Variants in CDH10 observed in about 807,000 individuals in gnomAD.
CDH10 encodes the protein cadherin 10.
A neutral mutation model predicts 73.1 loss-of-function variants in CDH10; 30 were observed. The observed-to-expected ratio is 0.41, with a 90% CI of 0.31 to 0.56. The LOEUF (loss-of-function observed/expected upper bound fraction) is 0.56. Ranked by LOEUF, CDH10 falls within the 20% of genes least tolerant of loss-of-function variation. CDH10 has a pLI of 0.27. For missense variants in CDH10, 815 were observed against 973.7 expected, an observed-to-expected ratio of 0.84 and a Z score of 2.17; for synonymous variants, 345 against 348.2, an observed-to-expected ratio of 0.99 and a Z score of 0.10.
intron 2 of CDH10, among the ~76,000 whole-genome samples, chr5:24,548,500 T>TC (rs1744426394): frequency 7.2e-6 from 1 of 138,536 alleles, no homozygotes; most frequent in African/African-American, 2.6e-5. Context: ...TTTTTTTTTT[T>TC]GGAAACCTCA....
At chr5:24,637,514 C>G (rs1172261544) in intron 1 of CDH10, among the ~76,000 whole-genome samples, 1 of 151,778 alleles carries the variant, frequency 6.6e-6, no homozygotes, top group Admixed American at 6.6e-5. Flanking sequence ...AGATTAGAAC[C>G]TGCCTCTTCT....
intron 5 of CDH10, among the ~76,000 whole-genome samples, chr5:24,512,065 T>C (rs1431108953): frequency 1.3e-5 from 2 of 152,142 alleles, no homozygotes; most frequent in East Asian, 1.9e-4. Flanking sequence ...CTATGAAATA[T>C]ATATCTGTAC....
At chr5:24,592,106 A>C (rs1746219485) in intron 2 of CDH10, among the ~76,000 whole-genome samples, 1 of 151,856 alleles carries the variant, frequency 6.6e-6, no homozygotes, top group Non-Finnish European at 1.5e-5. Flanking sequence ...CTTTCTAGTC[A>C]ACATGATATT....
Position 24,507,441 on chromosome 5 carries a change from C to T in CDH10, c.1256+2125G>A, listed in dbSNP as rs17457662. 6.4e-3 allele frequency among the ~76,000 whole-genome samples: 974 copies of T among 151,124 alleles called. 6 individuals are homozygous for T. The highest frequency in any genetic ancestry group is 7.9e-3 in the Non-Finnish European group (538 of 67,756). ...ATATACACAAGATGATTCTTTCCTC[C>T]TAGTCTTTAGACTTGCATCCTCATT... On this transcript the variant is annotated intron_variant, in intron 7 of 11. Coordinates refer to ENST00000264463, the MANE Select transcript of CDH10 (RefSeq NM_006727.5).
At chr5:24,606,792 T>C (rs146809239) in intron 1 of CDH10, among the ~76,000 whole-genome samples, 6 of 152,306 alleles carry the variant, frequency 3.9e-5, no homozygotes, top group African/African-American at 1.4e-4. Context: ...CAAAACTTAC[T>C]ACATATCCAT....
intron 2 of CDH10, among the ~76,000 whole-genome samples, chr5:24,585,827 G>A (rs1745975226): frequency 6.6e-6 from 1 of 152,138 alleles, no homozygotes; most frequent in Non-Finnish European, 1.5e-5. Context: ...CCCTTCAGAA[G>A]CTCAGTTATC....
intron 1 of CDH10, among the ~76,000 whole-genome samples, chr5:24,641,659 T>A (rs958902504): frequency 5.3e-5 from 8 of 152,088 alleles, no homozygotes; most frequent in African/African-American, 1.9e-4. Context: ...ACTTAAAATA[T>A]CATAATATGA....
rs140606475 is a variant in CDH10 at position 24,528,014 on chromosome 5, A to G, written c.814+7098T>C. ...TATTTCTTAGCACAGTTCTTGGCAC[A>G]TAGTAGGGCTTCGGTCAATGTTTAA... On this transcript the variant is annotated intron_variant, in intron 5 of 11. Transcript: ENST00000264463. Among the ~76,000 whole-genome samples the G allele has an allele frequency of 9.2e-5, 14 of 152,028 alleles. 1 individual carries two copies. The highest frequency in any genetic ancestry group is 3.4e-4 in the African/African-American group (14 of 41,546).
At chr5:24,570,839 T>G (rs1233247964) in intron 2 of CDH10, among the ~76,000 whole-genome samples, 1 of 151,962 alleles carries the variant, frequency 6.6e-6, no homozygotes, top group African/African-American at 2.4e-5. Context: ...AAGCTCGTTT[T>G]GAGAATGATT....
chr5:24,609,852 T>G (rs988664531), intron 1 of CDH10: 1 of 152,264 alleles, frequency 6.6e-6, no homozygotes, highest in African/African-American at 2.4e-5. Flanking sequence ...GCATCGATGA[T>G]CAGGCACCCG....
At chr5:24,515,534 T>C (rs1743076732) in intron 5 of CDH10, among the ~76,000 whole-genome samples, 1 of 152,220 alleles carries the variant, frequency 6.6e-6, no homozygotes, top group African/African-American at 2.4e-5. Context: ...TTACAATCAC[T>C]TATGTAAAGT....
In CDH10 at chr5:24,551,625, C is replaced by T. The variant is rs368861097; in HGVS notation, c.232-13951G>A. Among the ~76,000 whole-genome samples the T allele has an allele frequency of 6.6e-5, 10 of 152,166 alleles. No individual in the cohort carries two copies. The South Asian group carries it at 8.3e-4, about 13-fold the overall frequency. On this transcript the variant is annotated intron_variant, in intron 2 of 11. Transcript: ENST00000264463. ...TTTGAAATTTCATTCACTTTCACCA[C>T]GGAGATTTGCGTTTGTGTGAACATG...
chr5:24,498,591 T>C (rs1579720501), intron 8 of CDH10, 72 bp from the exon 9 acceptor site: 1 of 1,016,800 alleles, frequency 9.8e-7, no homozygotes, highest in Middle Eastern at 2.1e-4. Context: ...TATAGGCATC[T>C]TGTGGGTATG....
At chr5:24,558,488 A>G (rs1561162163) in intron 2 of CDH10, among the ~76,000 whole-genome samples, 1 of 151,762 alleles carries the variant, frequency 6.6e-6, no homozygotes, top group Non-Finnish European at 1.5e-5. Context: ...TATATTTAAA[A>G]TACATTTATT....
chr5:24,550,925 C>A (rs1357915694), intron 2 of CDH10, among the ~76,000 whole-genome samples: 1 of 152,074 alleles, frequency 6.6e-6, no homozygotes, highest in Non-Finnish European at 1.5e-5. Flanking sequence ...TCATTTAGTC[C>A]CTTAGCTTCT....
chr5:24,529,985 AC>A, intron 5 of CDH10, among the ~76,000 whole-genome samples: 1 of 148,076 alleles, frequency 6.8e-6, no homozygotes, highest in Non-Finnish European at 1.5e-5. Context: ...ATGGAAAAGC[AC>A]CTACCTGTGA....
rs2111649366 is a variant in CDH10 at position 24,492,841 on chromosome 5, T to A, written c.1600A>T (p.Asn534Tyr). The change falls in exon 10 of 12, where the codon AAC becomes TAC. Residue 534 changes from asparagine to tyrosine, a missense_variant. Around this residue, in one of 3 missense-constraint regions of CDH10, gnomAD observed 516 missense variants for 636.6 expected, o/e 0.81. Coordinates refer to ENST00000264463, the MANE Select transcript of CDH10 (RefSeq NM_006727.5). Reference protein sequence around the residue: ...FFFSLAAVNPNFTVQDNEDNT... With the variant: ...FFFSLAAVNPYFTVQDNEDNT... Reference sequence around the variant, plus strand: ...CCTTCATTATCCTGTACTGTGAAGTTTGGATTGACAGCAGCTAAACTGAAA... The same window carrying A: ...CCTTCATTATCCTGTACTGTGAAGTATGGATTGACAGCAGCTAAACTGAAA... 6.5e-7 allele frequency: 1 copy of A among 1,526,974 alleles called. No homozygotes were observed. Among genetic ancestry groups the A allele is most frequent in the East Asian group, 2.3e-5 (1 of 44,314 alleles). The allele number at this position is 1,526,974 out of a possible 1,614,324, so 94.6% of individuals were successfully genotyped here. A position where few individuals can be genotyped will look rare whatever the true frequency, so the allele number is the denominator to read the frequency against.
intron 2 of CDH10, among the ~76,000 whole-genome samples, chr5:24,577,799 C>T (rs1395552880): frequency 6.6e-6 from 1 of 152,076 alleles, no homozygotes; most frequent in Non-Finnish European, 1.5e-5. Flanking sequence ...AATTGAAGTC[C>T]TTACCATATA....
chr5:24,591,327 C>T (rs543887005), intron 2 of CDH10, among the ~76,000 whole-genome samples: 3 of 152,034 alleles, frequency 2.0e-5, no homozygotes, highest in South Asian at 4.1e-4. Context: ...AAAATCTAGA[C>T]ACTCTGGCCA....
Sources: allele counts gnomAD v4.1 joint callset (sites outside exome capture counted in the v4.1 genomes callset), GRCh38; gene constraint gnomAD v4.1.1; regional missense constraint gnomAD v4.1.1; transcripts MANE v1.5; gene names NCBI Gene and HGNC (gene_info 2026-07-23, HGNC 2026-07-21).